GALNT13: variants seen among roughly 807,000 people sequenced by gnomAD.
GALNT13 encodes polypeptide N-acetylgalactosaminyltransferase 13, also known as UDP-GalNAc:polypeptide N-acetylgalactosaminyltransferase 13.
In GALNT13, 28 loss-of-function variants were observed where a neutral mutation model predicts 64.2. The observed-to-expected ratio is 0.44, with a 90% CI of 0.32 to 0.60. The LOEUF is 0.60. Among genes scored for constraint, GALNT13 ranks in the 20% least tolerant of loss-of-function variants. GALNT13 has a pLI of 0.05. For synonymous variants in GALNT13, 214 were observed against 224.6 expected, an observed-to-expected ratio of 0.95 and a Z score of 0.42; for missense variants, 577 against 669.8, an observed-to-expected ratio of 0.86 and a Z score of 1.53.
chr2:153,830,669 G>T, the GALNT13 span, among the ~76,000 whole-genome samples: 2 of 152,000 alleles, frequency 1.3e-5, no homozygotes, highest in Admixed American at 1.3e-4. Flanking sequence ...TAAGGAGAAA[G>T]GTTTGCATTT....
chr2:153,279,025 A>G, the GALNT13 span, among the ~76,000 whole-genome samples: 9 of 152,070 alleles, frequency 5.9e-5, no homozygotes, highest in African/African-American at 2.2e-4. Flanking sequence ...GTCATTTATG[A>G]TTTCTTTCAT....
intron 3 of GALNT13, among the ~76,000 whole-genome samples, chr2:154,084,598 T>G (rs940149773): frequency 6.6e-6 from 1 of 151,906 alleles, no homozygotes; most frequent in African/African-American, 2.4e-5. Flanking sequence ...GCTGAAAAAC[T>G]CATATTAAAA....
chr2:154,275,107 G>T (rs35531380), intron 8 of GALNT13, among the ~76,000 whole-genome samples: 4,509 of 152,192 alleles, frequency 0.03, 110 homozygotes, highest in Non-Finnish European at 0.043. Flanking sequence ...TTTCTAAGCC[G>T]CAGACCATTT....
intron 3 of GALNT13, among the ~76,000 whole-genome samples, chr2:154,128,354 T>A (rs1682413676): frequency 6.6e-6 from 1 of 152,124 alleles, no homozygotes; most frequent in Non-Finnish European, 1.5e-5. Context: ...TTTCTTAATT[T>A]TTAATGGCAT....
At chr2:153,728,386 C>A in the GALNT13 span, among the ~76,000 whole-genome samples, 2 of 152,296 alleles carry the variant, frequency 1.3e-5, no homozygotes, top group East Asian at 3.9e-4. Flanking sequence ...TCCTATTTCT[C>A]AACATCCTCT....
the GALNT13 span, among the ~76,000 whole-genome samples, chr2:153,681,060 G>T: frequency 6.6e-6 from 1 of 151,832 alleles, no homozygotes; most frequent in Non-Finnish European, 1.5e-5. Flanking sequence ...GTGCCAAGTC[G>T]GCCAAATTCC....
intron 4 of GALNT13, among the ~76,000 whole-genome samples, chr2:154,212,057 C>T (rs901991637): frequency 5.9e-5 from 9 of 152,046 alleles, no homozygotes; most frequent in Admixed American, 4.6e-4. Flanking sequence ...TTTGGTGATA[C>T]ACTCTCCAAA....
the GALNT13 span, among the ~76,000 whole-genome samples, chr2:153,806,525 A>G: frequency 1.6e-4 from 25 of 152,192 alleles, no homozygotes; most frequent in Admixed American, 1.3e-3. Context: ...GAATTAATCA[A>G]TTTAAGCATT....
chr2:153,508,394 T>A, the GALNT13 span, among the ~76,000 whole-genome samples: 1 of 152,084 alleles, frequency 6.6e-6, no homozygotes, highest in African/African-American at 2.4e-5. Context: ...GCAGCTGCTA[T>A]GGGGGATGGT....
chr2:153,473,162 T>C, the GALNT13 span, among the ~76,000 whole-genome samples: 4 of 152,056 alleles, frequency 2.6e-5, no homozygotes, highest in Non-Finnish European at 4.4e-5. Context: ...GTTCTGCACA[T>C]GTACCCCAAA....
chr2:153,769,054 G>A, the GALNT13 span, among the ~76,000 whole-genome samples: 1 of 151,980 alleles, frequency 6.6e-6, no homozygotes, highest in African/African-American at 2.4e-5. Flanking sequence ...AACCCAACTT[G>A]CTACTCTGTA....
the GALNT13 span, chr2:153,478,351 C>A: frequency 6.2e-7 from 1 of 1,614,158 alleles, no homozygotes; most frequent in Non-Finnish European, 8.5e-7. Flanking sequence ...GAAGAAGATG[C>A]CGAAGACCAC....
the GALNT13 span, among the ~76,000 whole-genome samples, chr2:153,532,416 G>T: frequency 1.3e-5 from 2 of 152,146 alleles, no homozygotes; most frequent in African/African-American, 4.8e-5. Context: ...TGACACAAAA[G>T]ATCATGCTTC....
intron 1 of GALNT13, among the ~76,000 whole-genome samples, chr2:153,884,964 A>G (rs891698102): frequency 6.7e-6 from 1 of 148,272 alleles, no homozygotes; most frequent in Non-Finnish European, 1.5e-5. Context: ...ATTTTAACCC[A>G]GGAGGTAAAG....
chr2:153,762,281 CTTG>C, the GALNT13 span: 6 of 152,266 alleles, frequency 3.9e-5, no homozygotes, highest in East Asian at 1.9e-4. Context: ...TACCAATTTT[CTTG>C]TTGTACCATC....
chr2:153,238,727 T>C, the GALNT13 span, among the ~76,000 whole-genome samples: 1 of 152,116 alleles, frequency 6.6e-6, no homozygotes, highest in Non-Finnish European at 1.5e-5. Flanking sequence ...CTGTTTTGGT[T>C]ACTATAGGTT....
chr2:153,398,222 T>C, the GALNT13 span, among the ~76,000 whole-genome samples: 1 of 152,154 alleles, frequency 6.6e-6, no homozygotes, highest in African/African-American at 2.4e-5. Context: ...GATTTCCAGT[T>C]TCACCCATGT....
At chr2:154,113,231 G>GC (rs58458675) in intron 3 of GALNT13, among the ~76,000 whole-genome samples, 152,309 of 152,310 alleles carry the variant, frequency 1, 76,154 homozygotes, top group Non-Finnish European at 1. Flanking sequence ...ATGGGGGCCT[G>GC]CAAAGGCTCC....
the GALNT13 span, among the ~76,000 whole-genome samples, chr2:153,531,003 C>A: frequency 6.6e-6 from 1 of 152,284 alleles, no homozygotes; most frequent in African/African-American, 2.4e-5. Context: ...TAATACCCCA[C>A]AAGCACAGGC....
Sources: allele counts gnomAD v4.1 joint callset (sites outside exome capture counted in the v4.1 genomes callset), GRCh38; gene constraint gnomAD v4.1.1; transcripts MANE v1.5; gene names NCBI Gene and HGNC (gene_info 2026-07-23, HGNC 2026-07-21).